Variants in ATP2B2 observed in about 807,000 individuals in gnomAD.
The protein encoded by ATP2B2 is ATPase plasma membrane Ca2+ transporting 2, also known as plasma membrane calcium-transporting ATPase 2.
In ATP2B2, 15 loss-of-function variants were observed where a neutral mutation model predicts 120.0. The ratio of observed to expected loss-of-function variants is 0.12; its 90% CI spans 0.08 to 0.19. The LOEUF (loss-of-function observed/expected upper bound fraction) is 0.19. ATP2B2 is among the 10% of genes least tolerant of loss of function. The probability of loss-of-function intolerance (pLI) is 1.00; values close to 1 mark genes in which losing one functional copy is unlikely to be tolerated. For synonymous variants in ATP2B2, 694 were observed against 700.3 expected, an observed-to-expected ratio of 0.99 and a Z score of 0.14; for missense variants, 1,045 against 1,719.8, an observed-to-expected ratio of 0.61 and a Z score of 6.94.
chr3:10,534,962 G>A (rs997853669), intron 2 of ATP2B2, among the ~76,000 whole-genome samples: 4 of 133,902 alleles, frequency 3.0e-5, no homozygotes, highest in Admixed American at 8.2e-5. Flanking sequence ...GGAGTGCAAT[G>A]GCATGATCTC....
chr3:10,701,168 G>A (rs770839444), intron 1 of ATP2B2, among the ~76,000 whole-genome samples: 6 of 152,204 alleles, frequency 3.9e-5, no homozygotes, highest in Non-Finnish European at 8.8e-5. Context: ...TGAGAGAGTA[G>A]AACTTTCCTG....
chr3:10,421,787 C>T (rs1236487224), intron 2 of ATP2B2, among the ~76,000 whole-genome samples: 1 of 152,150 alleles, frequency 6.6e-6, no homozygotes, highest in Admixed American at 6.5e-5. Flanking sequence ...TCTGCATGTG[C>T]CGGGCATTTG....
chr3:10,486,502 A>G (rs1381085719), intron 1 of ATP2B2, among the ~76,000 whole-genome samples: 2 of 152,064 alleles, frequency 1.3e-5, no homozygotes, highest in African/African-American at 2.4e-5. Context: ...TGCTGCAGTC[A>G]CAACAGCTGG....
At chr3:10,518,352 C>T (rs990251396) in intron 3 of ATP2B2, among the ~76,000 whole-genome samples, 5 of 152,168 alleles carry the variant, frequency 3.3e-5, no homozygotes, top group Admixed American at 6.5e-5. Context: ...AATGCGGACT[C>T]GCGTCTGCCT....
chr3:10,361,817 C>G (rs1320166895), intron 12 of ATP2B2, among the ~76,000 whole-genome samples: 2 of 152,246 alleles, frequency 1.3e-5, no homozygotes, highest in Non-Finnish European at 2.9e-5. Flanking sequence ...TCTCTGGGTT[C>G]TCAGGGTCAG....
chr3:10,622,273 T>C (rs890162883), intron 1 of ATP2B2, among the ~76,000 whole-genome samples: 1 of 152,132 alleles, frequency 6.6e-6, no homozygotes. Flanking sequence ...GGATGAAAGA[T>C]TGATGAGCAA....
chr3:10,523,610 C>T (rs1422200025), intron 3 of ATP2B2, among the ~76,000 whole-genome samples: 2 of 152,222 alleles, frequency 1.3e-5, no homozygotes, highest in Non-Finnish European at 2.9e-5. Context: ...ACCTCTGACA[C>T]ATGGTGCAAA....
At chr3:10,513,671 C>T (rs961361609) in intron 3 of ATP2B2, among the ~76,000 whole-genome samples, 19 of 152,138 alleles carry the variant, frequency 1.2e-4, no homozygotes, top group African/African-American at 4.3e-4. Flanking sequence ...CCTGCTTGCA[C>T]AGGGCCACAG....
At chr3:10,422,802 G>A (rs912335508) in intron 2 of ATP2B2, among the ~76,000 whole-genome samples, 5 of 152,250 alleles carry the variant, frequency 3.3e-5, no homozygotes, top group Non-Finnish European at 5.9e-5. Context: ...CACAGAGGCT[G>A]TGTTCCTGTA....
chr3:10,365,011 T>C (rs1258932355), intron 12 of ATP2B2, among the ~76,000 whole-genome samples: 1 of 152,234 alleles, frequency 6.6e-6, no homozygotes. Context: ...CATCACCTTA[T>C]CATAGGCTCA....
rs1028070778 is a variant in ATP2B2 at position 10,402,043 on chromosome 3, C to T, written c.655+48G>A. On this transcript the variant is annotated intron_variant, in intron 4 of 22. Coordinates refer to ENST00000360273, the MANE Select transcript of ATP2B2 (RefSeq NM_001001331.4). The surrounding 1 kb of genome is among the most constrained non-coding windows in gnomAD (Gnocchi z 4.9). ...TGCATCAGCCTGGCCTGTCCCACCT[C>T]TGCCGGAATCCAGCTTTAGAACCTG... 3 of 1,608,196 alleles carry T rather than the reference C, an allele frequency of 1.9e-6. No individual in the cohort carries two copies. Among genetic ancestry groups the T allele is most frequent in the African/African-American group, 2.7e-5 (2 of 74,936 alleles).
chr3:10,459,521 C>T (rs181869136), intron 1 of ATP2B2, among the ~76,000 whole-genome samples: 4 of 152,358 alleles, frequency 2.6e-5, no homozygotes, highest in Admixed American at 6.5e-5. Context: ...CAACTCTTTC[C>T]CTACTGCTGC....
At chr3:10,561,925 T>C (rs1451480762) in intron 2 of ATP2B2, among the ~76,000 whole-genome samples, 4 of 152,152 alleles carry the variant, frequency 2.6e-5, no homozygotes, top group African/African-American at 9.7e-5. Flanking sequence ...CAAATCACAG[T>C]CAGGATTTGA....
chr3:10,687,115 G>A (rs1341702226), intron 1 of ATP2B2, among the ~76,000 whole-genome samples: 1 of 152,196 alleles, frequency 6.6e-6, no homozygotes, highest in African/African-American at 2.4e-5. Context: ...TACATGGAAG[G>A]CCTTGTAATA....
chr3:10,388,118 C>T lies in ATP2B2; in HGVS notation c.907+159G>A, dbSNP rs571978116. On this transcript the variant is annotated intron_variant, in intron 6 of 22. Transcript: ENST00000360273. ...CTGGAGATGGAACAGACAGAGCCTA[C>T]CTGGCCCATGCAGGCCTTAAGGATG... 128 of 1,021,222 alleles carry T rather than the reference C, an allele frequency of 1.3e-4. No individual in the cohort carries two copies. In the South Asian group the frequency reaches 1.6e-3, roughly 13 times the overall value. The allele number at this position is 1,021,222 out of a possible 1,614,324, so 63.3% of individuals were successfully genotyped here.
intron 1 of ATP2B2, among the ~76,000 whole-genome samples, chr3:10,503,604 C>G (rs1410009203): frequency 6.6e-6 from 1 of 152,254 alleles, no homozygotes; most frequent in Non-Finnish European, 1.5e-5. Flanking sequence ...CGGGTGTGTG[C>G]ACGCAGCATC....
At chr3:10,415,969 G>C (rs1269882219) in intron 2 of ATP2B2, among the ~76,000 whole-genome samples, 2 of 152,210 alleles carry the variant, frequency 1.3e-5, no homozygotes, top group African/African-American at 4.8e-5. Flanking sequence ...GCTTGGGCCA[G>C]TTTCACCCCT....
chr3:10,334,235 G>A (rs898045407), intron 22 of ATP2B2, among the ~76,000 whole-genome samples: 12 of 152,216 alleles, frequency 7.9e-5, no homozygotes, highest in Non-Finnish European at 5.9e-5. Flanking sequence ...CAACTGGGAT[G>A]GACAAAGAAC....
At chr3:10,413,523 G>C (rs529369801) in intron 2 of ATP2B2, among the ~76,000 whole-genome samples, 1 of 152,332 alleles carries the variant, frequency 6.6e-6, no homozygotes, top group East Asian at 1.9e-4. Flanking sequence ...CTGCTGCTGT[G>C]GGGCAGCTCC....
Sources: gnomAD v4.1 joint callset for allele counts (sites outside exome capture counted in the v4.1 genomes callset) on GRCh38, gnomAD v4.1.1 for gene constraint, Gnocchi (gnomAD v3.1) non-coding constraint, MANE v1.5 for transcripts, NCBI Gene and HGNC (gene_info 2026-07-23, HGNC 2026-07-21) for gene names.